WWOX: variants seen among roughly 807,000 people sequenced by gnomAD.
The protein encoded by WWOX is WW domain containing oxidoreductase.
WWOX carries 69 observed loss-of-function variants against 46.2 expected under a neutral mutation model. That is an observed-to-expected ratio of 1.49 (90% confidence interval 1.23 to 1.82). WWOX has a LOEUF of 1.82. WWOX is among the 40% of genes most tolerant of loss of function. The pLI, the probability that WWOX is intolerant of heterozygous loss-of-function variation, is 0.00. For missense variants in WWOX, 919 were observed against 542.6 expected, an observed-to-expected ratio of 1.69 and a Z score of -6.89; for synonymous variants, 359 against 202.6, an observed-to-expected ratio of 1.77 and a Z score of -6.56.
intron 8 of WWOX, among the ~76,000 whole-genome samples, chr16:78,816,483 C>A (rs184686055): frequency 7.0e-6 from 1 of 143,106 alleles, no homozygotes; most frequent in Non-Finnish European, 1.5e-5. Context: ...TGAAATCTAC[C>A]AGACAAGAAG....
chr16:79,057,453 G>C (rs1238385898), intron 8 of WWOX, among the ~76,000 whole-genome samples: 1 of 152,112 alleles, frequency 6.6e-6, no homozygotes, highest in African/African-American at 2.4e-5. Context: ...CAATTCTCAG[G>C]CTCCTTCTCA....
chr16:78,988,879 C>T lies in WWOX; in HGVS notation c.1057-222729C>T, dbSNP rs532398877. The stretch of plus-strand genomic sequence containing the variant: ...GAGCCCCAATCGATCAGTGGAGAAA[C>T]GAGCTCTGGTGGGCAGTCAGGCAAA... On this transcript the variant is annotated intron_variant, in intron 8 of 8. Coordinates refer to ENST00000566780, the MANE Select transcript of WWOX (RefSeq NM_016373.4). Among the ~76,000 whole-genome samples the T allele has an allele frequency of 2.6e-5, 4 of 152,126 alleles. No homozygotes were observed. In the South Asian group the frequency reaches 8.3e-4, roughly 32 times the overall value.
intron 8 of WWOX, among the ~76,000 whole-genome samples, chr16:78,538,556 T>G (rs1452709556): frequency 1.3e-5 from 2 of 152,200 alleles, no homozygotes; most frequent in African/African-American, 2.4e-5. Flanking sequence ...GAGCATGCTC[T>G]GAACTCCTGA....
At chr16:78,555,124 CTCTG>C (rs972094338) in intron 8 of WWOX, among the ~76,000 whole-genome samples, 1 of 144,992 alleles carries the variant, frequency 6.9e-6, no homozygotes, top group African/African-American at 2.6e-5. Context: ...CTCTCTTTCT[CTCTG>C]TCTTTTTCTC....
At chr16:78,702,662 AG>A (rs1330821857) in intron 8 of WWOX, among the ~76,000 whole-genome samples, 1 of 116,474 alleles carries the variant, frequency 8.6e-6, no homozygotes, top group Non-Finnish European at 1.9e-5. Flanking sequence ...CTCAAAAAAA[AG>A]AACAAAAAAA....
At chr16:78,780,478 C>T (rs1423148329) in intron 8 of WWOX, 1 of 152,192 alleles carries the variant, frequency 6.6e-6, no homozygotes, top group African/African-American at 2.4e-5. Flanking sequence ...CTTAACAGGA[C>T]TTCCGTGATG....
chr16:78,846,617 C>G (rs1301614640), intron 8 of WWOX, among the ~76,000 whole-genome samples: 4 of 152,188 alleles, frequency 2.6e-5, no homozygotes, highest in African/African-American at 4.8e-5. Context: ...GTGAAAATAT[C>G]TTATTACTAG....
intron 5 of WWOX, among the ~76,000 whole-genome samples, chr16:78,246,514 T>G (rs561009567): frequency 2.0e-5 from 3 of 152,324 alleles, no homozygotes; most frequent in African/African-American, 7.2e-5. Context: ...CAGTGCCATT[T>G]TTGGCTGATG....
At chr16:79,172,990 C>A (rs771470967) in intron 8 of WWOX, among the ~76,000 whole-genome samples, 5 of 152,216 alleles carry the variant, frequency 3.3e-5, no homozygotes, top group Non-Finnish European at 5.9e-5. Flanking sequence ...CACTGCACTC[C>A]AGGCTGTGTG....
chr16:78,834,592 CA>C (rs2051925100), intron 8 of WWOX, among the ~76,000 whole-genome samples: 1 of 152,158 alleles, frequency 6.6e-6, no homozygotes. Flanking sequence ...TGCCGATGAT[CA>C]GAAAGTACAG....
At chr16:78,994,591 G>A (rs1446914804) in intron 8 of WWOX, among the ~76,000 whole-genome samples, 1 of 152,154 alleles carries the variant, frequency 6.6e-6, no homozygotes, top group African/African-American at 2.4e-5. Context: ...TTTGTGCACA[G>A]ATAACCTTGC....
chr16:78,454,559 G>A (rs986334637), intron 8 of WWOX, among the ~76,000 whole-genome samples: 1 of 152,172 alleles, frequency 6.6e-6, no homozygotes, highest in Non-Finnish European at 1.5e-5. Flanking sequence ...AGGCTGCAGT[G>A]CAATGGCACG....
At chr16:78,452,429 A>C (rs2083713661) in intron 8 of WWOX, among the ~76,000 whole-genome samples, 1 of 151,074 alleles carries the variant, frequency 6.6e-6, no homozygotes, top group Admixed American at 6.6e-5. Flanking sequence ...TGTACATGTA[A>C]TCACAGTTCA....
At chr16:78,109,321 A>C (rs2032349829) in intron 2 of WWOX, among the ~76,000 whole-genome samples, 1 of 150,986 alleles carries the variant, frequency 6.6e-6, no homozygotes, top group African/African-American at 2.4e-5. Context: ...ACCCCATCTC[A>C]AAAAAAAATA....
intron 8 of WWOX, among the ~76,000 whole-genome samples, chr16:78,936,269 C>T (rs756893949): frequency 1.4e-4 from 21 of 152,162 alleles, no homozygotes; most frequent in Non-Finnish European, 2.9e-4. Flanking sequence ...CCTGGGCCTT[C>T]AACCCTTGGA....
chr16:78,933,606 G>C (rs1390291681), intron 8 of WWOX, among the ~76,000 whole-genome samples: 1 of 152,152 alleles, frequency 6.6e-6, no homozygotes, highest in Non-Finnish European at 1.5e-5. Flanking sequence ...CCCGAGACTG[G>C]GCAATTTACA....
chr16:78,527,726 C>CGGGCTCTT (rs1426246013), intron 8 of WWOX, among the ~76,000 whole-genome samples: 14 of 20,630 alleles, frequency 6.8e-4, no homozygotes, highest in Non-Finnish European at 2.7e-3. Flanking sequence ...GCCTCATGAA[C>CGGGCTCTT]AGGTTCTTGA....
intron 8 of WWOX, among the ~76,000 whole-genome samples, chr16:78,988,366 A>G (rs866994231): frequency 4.6e-5 from 7 of 151,858 alleles, no homozygotes; most frequent in South Asian, 2.1e-4. Context: ...AAAAAAAAAA[A>G]AAAGAAAGAA....
intron 8 of WWOX, among the ~76,000 whole-genome samples, chr16:79,015,786 TCTGTCGCC>T (rs72462673): frequency 0.019 from 2,911 of 152,362 alleles, 62 homozygotes; most frequent in South Asian, 0.059. Flanking sequence ...AGACTGTCGC[TCTGTCGCC>T]AAGGTGGAGT....
Sources: allele counts gnomAD v4.1 joint callset (sites outside exome capture counted in the v4.1 genomes callset), GRCh38; gene constraint gnomAD v4.1.1; transcripts MANE v1.5; gene names NCBI Gene and HGNC (gene_info 2026-07-23, HGNC 2026-07-21).